PLRG1: variants seen among roughly 807,000 people sequenced by gnomAD.
PLRG1 encodes the protein pleiotropic regulator 1 (PRL1 homolog, Arabidopsis).
PLRG1 carries 28 observed loss-of-function variants against 74.9 expected under a neutral mutation model. The observed-to-expected ratio is 0.37, with a 90% confidence interval of 0.28 to 0.51. PLRG1 has a LOEUF of 0.51. Among genes scored for constraint, PLRG1 ranks in the 20% least tolerant of loss-of-function variants. PLRG1 has a pLI of 0.91. For missense variants in PLRG1, 445 were observed against 631.9 expected, an observed-to-expected ratio of 0.70 and a Z score of 3.17; for synonymous variants, 197 against 212.4, an observed-to-expected ratio of 0.93 and a Z score of 0.63.
intron 6 of PLRG1, 48 bp from the exon 7 acceptor site, chr4:154,544,594 G>A (rs1187714045): frequency 4.2e-6 from 4 of 952,044 alleles, no homozygotes; most frequent in Non-Finnish European, 6.5e-6. Context: ...CATACCTAAG[G>A]CTTCATGATA....
chr4:154,541,015 G>T, intron 8 of PLRG1, 81 bp from the exon 9 acceptor site: 2 of 1,057,830 alleles, frequency 1.9e-6, no homozygotes, highest in Non-Finnish European at 2.6e-6. Flanking sequence ...TTAAAACTGA[G>T]CTTTCAAAGA....
At position 154,539,679 on chromosome 4, in the gene PLRG1, TATAAA is replaced by T. The variant is rs552808056; in HGVS notation, c.1042+267_1042+271del. Among the ~76,000 whole-genome samples, 999 of 152,216 alleles carry T rather than the reference TATAAA, an allele frequency of 6.6e-3. 15 individuals carry two copies. Among genetic ancestry groups the T allele is most frequent in the African/African-American group, 0.023 (959 of 41,558 alleles). On this transcript the variant is annotated intron_variant, in intron 11 of 14. Coordinates refer to ENST00000499023, the MANE Select transcript of PLRG1 (RefSeq NM_002669.4). The stretch of plus-strand genomic sequence containing the variant: ...TTTCTTAGAAAAATAATTTTGACAC[TATAAA>T]ATAATAATTGTTCATAACACAGTAT...
chr4:154,541,913 C>A (rs1204152122), intron 8 of PLRG1: 2 of 375,088 alleles, frequency 5.3e-6, no homozygotes, highest in Admixed American at 3.8e-5. Context: ...AATGAGCATG[C>A]TCTTAATTTT....
At chr4:154,547,111 A>T in intron 3 of PLRG1, 47 bp from the exon 4 acceptor site, 1 of 1,294,658 alleles carries the variant, frequency 7.7e-7, no homozygotes, top group Non-Finnish European at 1.1e-6. Flanking sequence ...TACCTTATAC[A>T]AAAGTTATCA....
intron 8 of PLRG1, among the ~76,000 whole-genome samples, chr4:154,541,139 T>C (rs1729549064): frequency 6.6e-6 from 1 of 152,072 alleles, no homozygotes; most frequent in African/African-American, 2.4e-5. Context: ...TATTTGCAAT[T>C]AGATGACAAA....
chr4:154,546,011 A>C, intron 5 of PLRG1, 88 bp from the exon 6 acceptor site: 1 of 1,106,412 alleles, frequency 9.0e-7, no homozygotes, highest in South Asian at 1.4e-5. Flanking sequence ...AAATTGTTAT[A>C]AAGTCCTGAT....
rs753386975 is a variant in PLRG1 at position 154,536,725 on chromosome 4, A to G, written c.1505T>C (p.Val502Ala). 4.6e-6 allele frequency: 7 copies of G among 1,532,240 alleles called. No individual in the cohort carries two copies. The highest frequency in any genetic ancestry group is 6.2e-6 in the Non-Finnish European group (7 of 1,123,200). 94.9% of individuals were successfully genotyped at this position (1,532,240 alleles called of 1,614,324 possible). Reference sequence around the variant, plus strand: ...CTTGATAATTTCTGGTTTCCAGCTGACTGGATGAGTTTCTTCTGTCTAAAA... The same window carrying G: ...CTTGATAATTTCTGGTTTCCAGCTGGCTGGATGAGTTTCTTCTGTCTAAAA... ...DDTATEETHP[V>A]SWKPEIIKRK... The change falls in exon 15 of 15, where the codon GTC (valine) becomes GCC (alanine). Residue 502 changes from valine (V) to alanine (A), a missense_variant. Val to Ala is a moderately conservative substitution (Grantham distance 64). Transcript: ENST00000499023.
chr4:154,546,985 T>C (rs774986863), intron 4 of PLRG1, 26 bp downstream of exon 4: 2 of 1,513,394 alleles, frequency 1.3e-6, no homozygotes, highest in African/African-American at 2.7e-5. Flanking sequence ...TTTTAAGACA[T>C]TTTCAATATA....
rs751129042 is a variant in PLRG1, at chr4:154,547,888, T to C, written c.117-35A>G. ...AATTATAAACATAAGAACGTATCCA[T>C]AAATACTTTAAAACAAACACTTAGC... On this transcript the variant is annotated intron_variant, in intron 2 of 14. Transcript: ENST00000499023. 4.0e-6 allele frequency: 6 copies of C among 1,485,226 alleles called. No homozygotes were observed. In the South Asian group the frequency reaches 5.0e-5, roughly 12 times the overall value. The allele number at this position is 1,485,226 out of a possible 1,614,324, so 92.0% of individuals were successfully genotyped here. A position where few individuals can be genotyped will look rare whatever the true frequency, so the allele number is the denominator to read the frequency against.
chr4:154,543,273 G>A (rs148284000), intron 7 of PLRG1, among the ~76,000 whole-genome samples: 21 of 152,126 alleles, frequency 1.4e-4, no homozygotes, highest in African/African-American at 4.6e-4. Context: ...TCAGCCTCTG[G>A]AGTAGCTGGG....
At position 154,543,729 on chromosome 4, in the gene PLRG1, A is replaced by T. The variant is rs546887552; in HGVS notation, c.594+716T>A. Among the ~76,000 whole-genome samples, 4 of 152,328 alleles carry T rather than the reference A, an allele frequency of 2.6e-5. No homozygotes were observed. In the East Asian group the frequency reaches 7.7e-4, roughly 29 times the overall value. On this transcript the variant is annotated intron_variant, in intron 7 of 14. Transcript: ENST00000499023. Reference sequence around the variant, plus strand: ...ATCTATTACAATTCATTAGAGCTGTATGTCAAACAAAAAGGCTCTTACTGT... The same window carrying T: ...ATCTATTACAATTCATTAGAGCTGTTTGTCAAACAAAAAGGCTCTTACTGT...
chr4:154,539,193 G>T lies in PLRG1; in HGVS notation c.1063C>A (p.Arg355=). ...IITGSHDTTI[R]LWDLVAGKTR... The stretch of plus-strand genomic sequence containing the variant: ...TTTCCAGCCACCAGATCCCATAATC[G>T]AATTGTAGTATCATGGCTTCCTGTA... Residue 355 remains arginine (R), a synonymous_variant, in exon 12 of 15, where the codon CGA becomes AGA. Transcript: ENST00000499023. 6.2e-7 allele frequency: 1 copy of T among 1,606,560 alleles called. No individual in the cohort carries two copies. The highest frequency in any genetic ancestry group is 8.5e-7 in the Non-Finnish European group (1 of 1,173,296).
chr4:154,542,205 A>G lies in PLRG1; in HGVS notation c.669T>C (p.Ser223=). ...EPGNQWFVTG[S]ADRTIKIWDL... is the part of the protein sequence containing the mutation. ...TTATTACCTTTATAGTTCTGTCAGCAGATCCAGTAACAAACCACTGATTTC... is the reference window on the plus strand; with the variant it reads ...TTATTACCTTTATAGTTCTGTCAGCGGATCCAGTAACAAACCACTGATTTC... The change falls in exon 8 of 15, where the codon TCT becomes TCC. Residue 223 remains serine, a synonymous_variant. Transcript: ENST00000499023. 6.2e-7 allele frequency: 1 copy of G among 1,600,634 alleles called. No homozygotes were observed.
At chr4:154,549,720 G>A (rs1171693973) in intron 1 of PLRG1, 2 of 456,242 alleles carry the variant, frequency 4.4e-6, no homozygotes, top group Admixed American at 4.7e-5. Context: ...AACCAACGGG[G>A]AGCTAATGCA....
chr4:154,545,760 T>C, intron 6 of PLRG1, 76 bp downstream of exon 6: 1 of 830,408 alleles, frequency 1.2e-6, no homozygotes, highest in Non-Finnish European at 2.0e-6. Flanking sequence ...TTTATCTTAA[T>C]AATTCCAAAG....
intron 14 of PLRG1, 59 bp from the exon 15 acceptor site, chr4:154,536,803 G>A: frequency 1.2e-6 from 1 of 868,668 alleles, no homozygotes; most frequent in African/African-American, 1.7e-5. Context: ...TGTCTAATAG[G>A]CTTCCTTTCT....
Position 154,540,918 on chromosome 4 carries a change from C to G in PLRG1, c.704G>C (p.Ser235Thr). ...AGTCAATGACAGTTTTAATTTGCCA[C>G]TAGCCAAGTCCCAGATCTGCAATCA... ...DRTIKIWDLA[S>T]GKLKLSLTGH... is the part of the protein sequence containing the mutation. The change falls in exon 9 of 15, where the codon AGT becomes ACT. Residue 235 changes from serine (S) to threonine (T), a missense_variant. By Grantham distance (58) the Ser-to-Thr change is moderately conservative. Coordinates refer to ENST00000499023, the MANE Select transcript of PLRG1 (RefSeq NM_002669.4). The G allele has an allele frequency of 1.2e-6, 2 of 1,604,514 alleles. No individual in the cohort carries two copies. Among genetic ancestry groups the G allele is most frequent in the Admixed American group, 3.4e-5 (2 of 58,486 alleles).
chr4:154,540,578 A>T lies in PLRG1; in HGVS notation c.939+16T>A, dbSNP rs112338253. On this transcript the variant is annotated intron_variant, in intron 10 of 14. Transcript: ENST00000499023. ...CAATATATTTACAGATAAATACACA[A>T]CTCTATCCCATTTACCCGTGCAGTT... 193 of 1,537,194 alleles carry T rather than the reference A, an allele frequency of 1.3e-4. No homozygotes were observed. The African/African-American group carries it at 2.4e-3, about 19-fold the overall frequency.
At chr4:154,545,804 A>G in intron 6 of PLRG1, 32 bp downstream of exon 6, 2 of 1,325,404 alleles carry the variant, frequency 1.5e-6, no homozygotes, top group Non-Finnish European at 2.1e-6. Context: ...TCCAAAAGTT[A>G]GAAACCTGCT....
Sources: allele counts gnomAD v4.1 joint callset (sites outside exome capture counted in the v4.1 genomes callset), GRCh38; gene constraint gnomAD v4.1.1; transcripts MANE v1.5; gene names NCBI Gene and HGNC (gene_info 2026-07-23, HGNC 2026-07-21).